CLCN1: variants seen among roughly 807,000 people sequenced by gnomAD.
The protein encoded by CLCN1 is chloride channel protein 1.
A neutral mutation model predicts 114.5 loss-of-function variants in CLCN1; 100 were observed. The observed-to-expected ratio is 0.87, with a 90% CI of 0.74 to 1.03. The LOEUF (loss-of-function observed/expected upper bound fraction) is 1.03. Ranked by LOEUF, CLCN1 falls within the 50% of genes least tolerant of loss-of-function variation. The pLI, the probability that CLCN1 is intolerant of heterozygous loss-of-function variation, is 0.00. For missense variants in CLCN1, 1,188 were observed against 1,250.0 expected, an observed-to-expected ratio of 0.95 and a Z score of 0.75; for synonymous variants, 485 against 487.1, an observed-to-expected ratio of 1.00 and a Z score of 0.06.
intron 12 of CLCN1, among the ~76,000 whole-genome samples, chr7:143,337,571 T>C (rs999444481): frequency 1.3e-5 from 2 of 152,296 alleles, no homozygotes; most frequent in East Asian, 3.9e-4. Context: ...TACAGTGCAA[T>C]TGCGCACAGC....
At chr7:143,347,725 G>C (rs1803293707) in intron 20 of CLCN1, among the ~76,000 whole-genome samples, 1 of 151,674 alleles carries the variant, frequency 6.6e-6, no homozygotes. Context: ...ACTGGAAAAT[G>C]CTAGGCATTG....
rs2116401321 is a variant in CLCN1 at position 143,351,650 on chromosome 7, T to G, written c.2652T>G (p.Leu884=). 3 of 1,614,174 alleles carry G rather than the reference T, an allele frequency of 1.9e-6. No homozygotes were observed. Among genetic ancestry groups the G allele is most frequent in the East Asian group, 2.2e-5 (1 of 44,880 alleles). ...TKSGVQLRPP[L]ASFRNTTSTR... Reference sequence around the variant, plus strand: ...CTGGGGTGCAGCTCCGCCCTCCCCTTGCCAGCTTCCGGAACACGACTTCAA... The same window carrying G: ...CTGGGGTGCAGCTCCGCCCTCCCCTGGCCAGCTTCCGGAACACGACTTCAA... Residue 884 remains leucine (L), a synonymous_variant, in exon 23 of 23, where the codon CTT becomes CTG. Coordinates refer to ENST00000343257, the MANE Select transcript of CLCN1 (RefSeq NM_000083.3).
chr7:143,346,108 C>G, intron 17 of CLCN1, 32 bp from the exon 18 acceptor site: 1 of 1,401,708 alleles, frequency 7.1e-7, no homozygotes, highest in Non-Finnish European at 1.0e-6. Context: ...AGTCTCTGCT[C>G]CCAGGCTGAG....
intron 5 of CLCN1, among the ~76,000 whole-genome samples, chr7:143,322,620 T>C (rs1474769741): frequency 1.3e-5 from 2 of 152,196 alleles, no homozygotes; most frequent in African/African-American, 4.8e-5. Flanking sequence ...CCTCCCAGGT[T>C]CAAGCGATTC....
Position 143,351,622 on chromosome 7 carries a change from A to C in CLCN1, c.2624A>C (p.Lys875Thr). The C allele has an allele frequency of 6.2e-7, 1 of 1,613,986 alleles. No homozygotes were observed. ...CAGAAGGCCATTGAGGGGCACACCA[A>C]GTCTGGGGTGCAGCTCCGCCCTCCC... Reference protein sequence around the residue: ...ELQKAIEGHTKSGVQLRPPLA... With the variant: ...ELQKAIEGHTTSGVQLRPPLA... Residue 875 changes from lysine to threonine, a missense_variant, in exon 23 of 23, where the codon AAG (lysine) becomes ACG (threonine). By Grantham distance (78) the Lys-to-Thr change is moderately conservative (BLOSUM62 -1). Coordinates refer to ENST00000343257, the MANE Select transcript of CLCN1 (RefSeq NM_000083.3).
chr7:143,340,515 C>G (rs1251254003), intron 14 of CLCN1, among the ~76,000 whole-genome samples: 3 of 151,994 alleles, frequency 2.0e-5, no homozygotes, highest in African/African-American at 7.3e-5. Context: ...TTCCTTCCTT[C>G]TTTTCTCTCT....
At position 143,331,257 on chromosome 7, in the gene CLCN1, C is replaced by A. The variant is rs1802715432; in HGVS notation, c.1005C>A (p.Thr335=). 1 of 1,613,560 alleles carries A rather than the reference C, an allele frequency of 6.2e-7. No individual in the cohort carries two copies. The highest frequency in any genetic ancestry group is 8.5e-7 in the Non-Finnish European group (1 of 1,179,452). Residue 335 remains threonine, a synonymous_variant, in exon 9 of 23, where the codon ACC becomes ACA. Coordinates refer to ENST00000343257, the MANE Select transcript of CLCN1 (RefSeq NM_000083.3). ...DAVTITALFR[T]NFRMDFPFDL... ...TCACCATCACTGCTCTGTTCAGAAC[C>A]AATTTCCGAATGGATTTCCCCTTTG... is the stretch of plus-strand genomic sequence containing the variant.
chr7:143,325,868 A>C (rs1302309489), intron 7 of CLCN1, among the ~76,000 whole-genome samples: 1 of 152,216 alleles, frequency 6.6e-6, no homozygotes, highest in Non-Finnish European at 1.5e-5. Flanking sequence ...GTGGTAGAAA[A>C]AGGAAGAAAA....
In CLCN1 at chr7:143,331,015, G is replaced by A. The variant is rs896702653; in HGVS notation, c.979+118G>A. 3.4e-6 allele frequency: 5 copies of A among 1,463,672 alleles called. No homozygotes were observed. The African/African-American group carries it at 4.2e-5, about 12-fold the overall frequency. The allele number at this position is 1,463,672 out of a possible 1,614,324, so 90.7% of individuals were successfully genotyped here. A position where few individuals can be genotyped will look rare whatever the true frequency, so the allele number is the denominator to read the frequency against. ...AATAATGGGCGGCATCATTTGTGGG[G>A]TGGGACCAAGGCCCAAGGGTGTATG... On this transcript the variant is annotated intron_variant, in intron 8 of 22. Transcript: ENST00000343257.
chr7:143,343,412 G>T (rs1803140628), intron 16 of CLCN1, among the ~76,000 whole-genome samples: 1 of 152,166 alleles, frequency 6.6e-6, no homozygotes, highest in African/African-American at 2.4e-5. Context: ...AAACAAGAAG[G>T]TACAGCACTG....
chr7:143,326,103 G>A (rs1390842523), intron 7 of CLCN1, among the ~76,000 whole-genome samples: 1 of 151,940 alleles, frequency 6.6e-6, no homozygotes, highest in South Asian at 2.1e-4. Flanking sequence ...TGCAACCTCT[G>A]TCTCCTGGGT....
chr7:143,327,871 T>G lies in CLCN1; in HGVS notation c.854-2901T>G, dbSNP rs141865525. Among the ~76,000 whole-genome samples the G allele has an allele frequency of 4.2e-3, 640 of 152,210 alleles. 7 individuals are homozygous for G. The highest frequency in any genetic ancestry group is 0.014 in the African/African-American group (583 of 41,526). ...GGTTTTTCCATGTTGGCCAGGCTGG[T>G]CTCAAACTCCCGGCCTCAAGTGATC... On this transcript the variant is annotated intron_variant, in intron 7 of 22. Coordinates refer to ENST00000343257, the MANE Select transcript of CLCN1 (RefSeq NM_000083.3).
chr7:143,349,455 A>G (rs1803339224), intron 20 of CLCN1, among the ~76,000 whole-genome samples: 1 of 152,214 alleles, frequency 6.6e-6, no homozygotes, highest in Non-Finnish European at 1.5e-5. Flanking sequence ...ATAGAGTTCT[A>G]GATCATTCAG....
rs59572880 is a variant in CLCN1, at chr7:143,320,553, T to TTCTCTCTCTCTC, written c.302-89_302-78dup. 10,417 of 671,236 alleles carry TTCTCTCTCTCTC rather than the reference T, an allele frequency of 0.016. 116 individuals carry two copies. The highest frequency in any genetic ancestry group is 0.024 in the Middle Eastern group (49 of 2,026). 41.6% of individuals were successfully genotyped at this position (671,236 alleles called of 1,614,324 possible). Reference sequence around the variant, plus strand: ...TAAAGTAGTGACTCGTTAGCTGCTTTTCTCTCTCTCTCTCTCTCTCTCTCT... The same window carrying TTCTCTCTCTCTC: ...TAAAGTAGTGACTCGTTAGCTGCTTTTCTCTCTCTCTCTCTCTCTCTCTCTCTCTCTCTCTCT... On this transcript the variant is annotated intron_variant, in intron 2 of 22. Transcript: ENST00000343257.
chr7:143,330,909 G>T lies in CLCN1; in HGVS notation c.979+12G>T, dbSNP rs760667989. 12 of 1,614,058 alleles carry T rather than the reference G, an allele frequency of 7.4e-6. No homozygotes were observed. In the Admixed American group the frequency reaches 1.8e-4, roughly 25 times the overall value. On this transcript the variant is annotated intron_variant, in intron 8 of 22. Coordinates refer to ENST00000343257, the MANE Select transcript of CLCN1 (RefSeq NM_000083.3). ...GAACAAGGATGCTGGTAACCAAGGAGGCCTTGGGTGGAGGCCATGTGAAAT... is the reference window on the plus strand; with the variant it reads ...GAACAAGGATGCTGGTAACCAAGGATGCCTTGGGTGGAGGCCATGTGAAAT...
At chr7:143,347,560 G>A (rs1803283288) in intron 20 of CLCN1, among the ~76,000 whole-genome samples, 1 of 149,162 alleles carries the variant, frequency 6.7e-6, no homozygotes, top group South Asian at 2.1e-4. Flanking sequence ...GGTGGGGGTT[G>A]CAGTGAGCAG....
chr7:143,325,684 A>G (rs1032048606), intron 7 of CLCN1, among the ~76,000 whole-genome samples: 13 of 152,086 alleles, frequency 8.5e-5, no homozygotes, highest in African/African-American at 1.2e-4. Flanking sequence ...AGACTGGGAG[A>G]CTTCTGTTGT....
chr7:143,339,516 G>A lies in CLCN1; in HGVS notation c.1477G>A (p.Ala493Thr). The stretch of plus-strand genomic sequence containing the variant: ...TCCTTTTATCTTCCCTCTAGGAGCT[G>A]CATTTGGAAGGCTGGTAGGAGAAAT... ...GFMPVFVLGA[A>T]FGRLVGEIMA... Residue 493 changes from alanine (A) to threonine (T), a missense_variant, in exon 14 of 23, where the codon GCA (alanine) becomes ACA (threonine). Coordinates refer to ENST00000343257, the MANE Select transcript of CLCN1 (RefSeq NM_000083.3). This position sits in a 1 kb window ranked among gnomAD's most constrained non-coding sequence, Gnocchi z 4.1. 1.2e-6 allele frequency: 2 copies of A among 1,611,664 alleles called. No homozygotes were observed. The highest frequency in any genetic ancestry group is 1.7e-6 in the Non-Finnish European group (2 of 1,177,720).
At chr7:143,317,353 ATTCTCTTTCCTCAGCC>A (rs1802316075) in intron 1 of CLCN1, among the ~76,000 whole-genome samples, 1 of 151,226 alleles carries the variant, frequency 6.6e-6, no homozygotes, top group African/African-American at 2.4e-5. Flanking sequence ...GGTTCAAGCA[ATTCTCTTTCCTCAGCC>A]TCCTGAGTAG....
Sources: gnomAD v4.1 joint callset for allele counts (sites outside exome capture counted in the v4.1 genomes callset) on GRCh38, gnomAD v4.1.1 for gene constraint, Gnocchi (gnomAD v3.1) non-coding constraint, MANE v1.5 for transcripts, NCBI Gene and HGNC (gene_info 2026-07-23, HGNC 2026-07-21) for gene names.